The following PIK3C2G variants were observed in gnomAD, a reference collection of about 807,000 sequenced individuals.
PIK3C2G encodes phosphatidylinositol 3-kinase C2 domain-containing subunit gamma.
PIK3C2G carries 168 observed loss-of-function variants against 181.1 expected under a neutral mutation model. The ratio of observed to expected loss-of-function variants is 0.93; its 90% CI spans 0.82 to 1.05. The LOEUF is 1.05. Ranked by LOEUF, PIK3C2G falls within the 50% of genes least tolerant of loss-of-function variation. The pLI is 0.00. For missense variants in PIK3C2G, 1,869 were observed against 1,732.8 expected, an observed-to-expected ratio of 1.08 and a Z score of -1.40; for synonymous variants, 573 against 592.2, an observed-to-expected ratio of 0.97 and a Z score of 0.47.
chr12:18,607,299 G>A, intron 30 of PIK3C2G: 1 of 392,980 alleles, frequency 2.5e-6, no homozygotes, highest in Non-Finnish European at 5.0e-6. Context: ...ACGAATGAAA[G>A]TATAGAATAG....
At chr12:18,292,445 T>C (rs571231953) in intron 4 of PIK3C2G, among the ~76,000 whole-genome samples, 39 of 151,878 alleles carry the variant, frequency 2.6e-4, no homozygotes, top group African/African-American at 8.5e-4. Context: ...GAAGCCAAGC[T>C]ACTAGTCTAG....
chr12:18,538,093 C>G (rs2136239527), intron 24 of PIK3C2G, 63 bp from the exon 25 acceptor site: 1 of 1,434,830 alleles, frequency 7.0e-7, no homozygotes, highest in East Asian at 2.3e-5. Context: ...GTTATAACTG[C>G]TGATTTAACC....
chr12:18,368,875 A>C (rs1028087617), intron 12 of PIK3C2G, among the ~76,000 whole-genome samples: 2 of 152,230 alleles, frequency 1.3e-5, no homozygotes. Context: ...ACAGGCACTG[A>C]AAAAAAGAAG....
At chr12:18,515,303 G>A (rs1004788485) in intron 24 of PIK3C2G, among the ~76,000 whole-genome samples, 2 of 151,898 alleles carry the variant, frequency 1.3e-5, no homozygotes, top group African/African-American at 4.8e-5. Flanking sequence ...GTAAGAATTT[G>A]TATTAGTTCT....
In PIK3C2G at chr12:18,274,098, A is replaced by G. The variant is rs537592273; in HGVS notation, c.-78-7906A>G. 3.2e-3 allele frequency among the ~76,000 whole-genome samples: 495 copies of G among 152,328 alleles called. 6 individuals carry two copies. The highest frequency in any genetic ancestry group is 0.011 in the African/African-American group (474 of 41,578). On this transcript the variant is annotated intron_variant, in intron 1 of 32. Coordinates refer to ENST00000538779, the MANE Select transcript of PIK3C2G (RefSeq NM_001288772.2). ...CAGAGAAATGCAAATCAAAACCACA[A>G]TGAGATACCACCTCACACCAGTTAG...
chr12:18,565,276 T>A (rs1013119926), intron 28 of PIK3C2G, among the ~76,000 whole-genome samples: 10 of 152,172 alleles, frequency 6.6e-5, no homozygotes, highest in African/African-American at 2.4e-4. Flanking sequence ...TCTAATCAGT[T>A]CATACCATCT....
At chr12:18,723,639 G>A in the PIK3C2G span, 1 of 937,076 alleles carries the variant, frequency 1.1e-6, no homozygotes, top group Non-Finnish European at 1.6e-6. Flanking sequence ...ATTTATACTT[G>A]AAAGAAGATG....
At chr12:18,590,610 C>G (rs946107346) in intron 29 of PIK3C2G, among the ~76,000 whole-genome samples, 1 of 151,800 alleles carries the variant, frequency 6.6e-6, no homozygotes, top group Non-Finnish European at 1.5e-5. Flanking sequence ...AAATGTAGCA[C>G]TGATAATTCT....
chr12:18,527,573 A>C (rs559567000), intron 24 of PIK3C2G, among the ~76,000 whole-genome samples: 1 of 152,164 alleles, frequency 6.6e-6, no homozygotes, highest in East Asian at 1.9e-4. Flanking sequence ...TGTTTTCCTC[A>C]TATCCAGACT....
At chr12:18,638,511 C>T (rs953565547) in intron 31 of PIK3C2G, among the ~76,000 whole-genome samples, 4 of 152,240 alleles carry the variant, frequency 2.6e-5, no homozygotes, top group South Asian at 4.1e-4. Context: ...GAGTTCAACT[C>T]GCATTGTAAT....
At chr12:18,568,828 CT>C (rs1295995968) in intron 29 of PIK3C2G, among the ~76,000 whole-genome samples, 1 of 152,150 alleles carries the variant, frequency 6.6e-6, no homozygotes, top group Non-Finnish European at 1.5e-5. Flanking sequence ...CCCCTCACCA[CT>C]TTGGTAGATC....
intron 18 of PIK3C2G, among the ~76,000 whole-genome samples, chr12:18,434,681 T>A (rs1183330655): frequency 6.6e-6 from 1 of 152,140 alleles, no homozygotes; most frequent in Non-Finnish European, 1.5e-5. Context: ...AAATGCAGTT[T>A]AATTTGGTAA....
chr12:18,617,295 C>T (rs559529081), intron 31 of PIK3C2G, among the ~76,000 whole-genome samples: 52 of 152,258 alleles, frequency 3.4e-4, no homozygotes, highest in African/African-American at 1.2e-3. Context: ...ACACGTGATA[C>T]ATTCCTTCCT....
Position 18,561,736 on chromosome 12 carries a change from C to T in PIK3C2G, c.3591-967C>T, listed in dbSNP as rs374063328. Among the ~76,000 whole-genome samples, 91 of 150,908 alleles carry T rather than the reference C, an allele frequency of 6.0e-4. No homozygotes were observed. In the East Asian group the frequency reaches 0.015, roughly 25 times the overall value. On this transcript the variant is annotated intron_variant, in intron 26 of 32. Coordinates refer to ENST00000538779, the MANE Select transcript of PIK3C2G (RefSeq NM_001288772.2). ...AATTATTACACCATTAGAATGCAAA[C>T]TTTCTTAAATACAAAAAAAAACCTT... is the stretch of plus-strand genomic sequence containing the variant.
At chr12:18,690,395 T>C in the PIK3C2G span, among the ~76,000 whole-genome samples, 1 of 152,000 alleles carries the variant, frequency 6.6e-6, no homozygotes, top group African/African-American at 2.4e-5. Flanking sequence ...AGCTAAGTTT[T>C]TGTATGTTTA....
At chr12:18,543,278 C>CTTAAACAAATTTAA (rs1944260381) in intron 25 of PIK3C2G, among the ~76,000 whole-genome samples, 1 of 151,580 alleles carries the variant, frequency 6.6e-6, no homozygotes, top group Non-Finnish European at 1.5e-5. Context: ...TTCTTATAGA[C>CTTAAACAAATTTAA]GCTGGGTATT....
Position 18,609,589 on chromosome 12 carries a change from A to T in PIK3C2G, c.4142A>T (p.Asp1381Val), listed in dbSNP as rs776357276. 1 of 1,587,846 alleles carries T rather than the reference A, an allele frequency of 6.3e-7. No individual in the cohort carries two copies. The highest frequency in any genetic ancestry group is 8.6e-7 in the Non-Finnish European group (1 of 1,165,366). Residue 1381 changes from aspartate to valine, a missense_variant, in exon 31 of 33, where the codon GAT becomes GTT. Asp to Val is a radical substitution (Grantham distance 152, BLOSUM62 -3). Transcript: ENST00000538779. ...GTGCAGTTAGTCATATCCTACGAGG[A>T]TGTGAAGCTGACCATACTAGTGAAA... is the stretch of plus-strand genomic sequence containing the variant. Reference protein sequence around the residue: ...PKVQLVISYEDVKLTILVKHM... With the variant: ...PKVQLVISYEVVKLTILVKHM...
chr12:18,712,885 A>G, the PIK3C2G span: 524 of 1,613,998 alleles, frequency 3.2e-4, 1 homozygote, highest in Middle Eastern at 4.3e-3. Context: ...AGTTTTAAAC[A>G]GAAGTTTGCT....
At chr12:18,609,285 T>C (rs115026423) in intron 30 of PIK3C2G, among the ~76,000 whole-genome samples, 2,404 of 152,138 alleles carry the variant, frequency 0.016, 65 homozygotes, top group African/African-American at 0.055. Flanking sequence ...GCTTAAGTTG[T>C]TGAGAAAATA....
Sources: gnomAD v4.1 joint callset for allele counts (sites outside exome capture counted in the v4.1 genomes callset) on GRCh38, gnomAD v4.1.1 for gene constraint, MANE v1.5 for transcripts, NCBI Gene and HGNC (gene_info 2026-07-23, HGNC 2026-07-21) for gene names.